The following ADAMTSL1 variants were observed in gnomAD, a reference collection of about 807,000 sequenced individuals.
ADAMTSL1 encodes ADAMTS-like protein 1.
A neutral mutation model predicts 201.8 loss-of-function variants in ADAMTSL1; 126 were observed. That is an observed-to-expected ratio of 0.62 (90% confidence interval 0.54 to 0.72). ADAMTSL1 has a LOEUF of 0.72. Among genes scored for constraint, ADAMTSL1 ranks in the 30% least tolerant of loss-of-function variants. The pLI is 0.00. For synonymous variants in ADAMTSL1, 1,121 were observed against 903.4 expected, an observed-to-expected ratio of 1.24 and a Z score of -4.32; for missense variants, 2,679 against 2,277.8, an observed-to-expected ratio of 1.18 and a Z score of -3.59.
At chr9:17,982,679 C>G (rs150270348) in intron 1 of ADAMTSL1, among the ~76,000 whole-genome samples, 1 of 151,962 alleles carries the variant, frequency 6.6e-6, no homozygotes, top group Admixed American at 6.6e-5. Flanking sequence ...AAACTGAGTG[C>G]GTGGAATCAC....
intron 21 of ADAMTSL1, among the ~76,000 whole-genome samples, chr9:18,825,904 CA>C (rs1332344310): frequency 6.6e-6 from 1 of 151,930 alleles, no homozygotes; most frequent in Non-Finnish European, 1.5e-5. Flanking sequence ...TCATGTTTTT[CA>C]AATACATTTT....
chr9:18,029,447 G>C (rs566723895), intron 1 of ADAMTSL1, among the ~76,000 whole-genome samples: 243 of 152,198 alleles, frequency 1.6e-3, no homozygotes, highest in Middle Eastern at 3.4e-3. Context: ...AAAAACCCTA[G>C]AAGAAAACCT....
chr9:18,000,796 T>C (rs1263161066), intron 1 of ADAMTSL1, among the ~76,000 whole-genome samples: 4 of 152,082 alleles, frequency 2.6e-5, no homozygotes, highest in East Asian at 3.9e-4. Context: ...GCAGATGTCA[T>C]AGGCCAGAGC....
intron 2 of ADAMTSL1, among the ~76,000 whole-genome samples, chr9:18,274,175 A>G (rs763086950): frequency 1.3e-5 from 2 of 152,230 alleles, no homozygotes; most frequent in African/African-American, 4.8e-5. Flanking sequence ...TGATTATTCC[A>G]GGTGTGTCAT....
intron 6 of ADAMTSL1, among the ~76,000 whole-genome samples, chr9:18,638,798 C>A (rs963982155): frequency 1.3e-5 from 2 of 152,040 alleles, no homozygotes; most frequent in Non-Finnish European, 2.9e-5. Flanking sequence ...TAAACACAGG[C>A]TAATGCACGA....
chr9:18,682,586 T>C (rs1830569280), intron 12 of ADAMTSL1, among the ~76,000 whole-genome samples: 1 of 152,232 alleles, frequency 6.6e-6, no homozygotes, highest in Non-Finnish European at 1.5e-5. Context: ...AGAATATGAA[T>C]TTGATTTCTG....
chr9:18,579,003 G>C (rs12342110), intron 4 of ADAMTSL1, among the ~76,000 whole-genome samples: 1,712 of 151,720 alleles, frequency 0.011, 13 homozygotes, highest in Non-Finnish European at 0.019. Flanking sequence ...TTTTTCATGT[G>C]TTTTTTGGCT....
At position 18,733,655 on chromosome 9, in the gene ADAMTSL1, A is replaced by G. The variant is rs62551759; in HGVS notation, c.2006+11990A>G. On this transcript the variant is annotated intron_variant, in intron 15 of 28. Coordinates refer to ENST00000380548, the MANE Select transcript of ADAMTSL1 (RefSeq NM_001040272.6). ...CCCCCACACACACACTCACTCGCTC[A>G]CTCTCTCTCTCTGCCCCCCACCCCA... is the stretch of plus-strand genomic sequence containing the variant. 7.3e-3 allele frequency among the ~76,000 whole-genome samples: 676 copies of G among 93,158 alleles called. 6 individuals are homozygous for G. The highest frequency in any genetic ancestry group is 0.014 in the Middle Eastern group (2 of 142). The allele number at this position is 93,158 out of a possible 152,430, so 61.1% of individuals were successfully genotyped here. A position where few individuals can be genotyped will look rare whatever the true frequency, so the allele number is the denominator to read the frequency against.
intron 23 of ADAMTSL1, among the ~76,000 whole-genome samples, chr9:18,864,751 A>C (rs1414137608): frequency 6.6e-6 from 1 of 152,240 alleles, no homozygotes; most frequent in African/African-American, 2.4e-5. Flanking sequence ...GCAGAAAGTC[A>C]GTGAAGTCAA....
At chr9:18,359,867 A>G (rs1047252915) in intron 2 of ADAMTSL1, among the ~76,000 whole-genome samples, 1 of 86,218 alleles carries the variant, frequency 1.2e-5, no homozygotes, top group African/African-American at 4.4e-5. Context: ...CTGCTTTGAC[A>G]TTTGATACCT....
intron 1 of ADAMTSL1, among the ~76,000 whole-genome samples, chr9:18,153,669 G>A (rs887864921): frequency 3.9e-5 from 6 of 151,982 alleles, no homozygotes; most frequent in African/African-American, 1.4e-4. Flanking sequence ...TGACTTTGAT[G>A]ACTTGTAAAA....
At chr9:18,722,462 A>T (rs1833451356) in intron 15 of ADAMTSL1, among the ~76,000 whole-genome samples, 1 of 152,222 alleles carries the variant, frequency 6.6e-6, no homozygotes, top group South Asian at 2.1e-4. Flanking sequence ...TTTGAATGAT[A>T]GTTTTTCTCT....
intron 2 of ADAMTSL1, among the ~76,000 whole-genome samples, chr9:18,415,762 C>G (rs1818647115): frequency 6.6e-6 from 1 of 151,962 alleles, no homozygotes; most frequent in African/African-American, 2.4e-5. Context: ...AATCAAATTA[C>G]TTAAAACTAG....
chr9:18,689,654 C>G (rs1831093802), intron 13 of ADAMTSL1, among the ~76,000 whole-genome samples: 1 of 152,190 alleles, frequency 6.6e-6, no homozygotes, highest in African/African-American at 2.4e-5. Flanking sequence ...CCAGGTTCTT[C>G]CAGATATATT....
At chr9:18,745,119 AC>A in intron 15 of ADAMTSL1, among the ~76,000 whole-genome samples, 6 of 152,256 alleles carry the variant, frequency 3.9e-5, no homozygotes, top group Admixed American at 3.9e-4. Context: ...TTTATGGGGG[AC>A]AATATGAGCT....
chr9:17,945,222 C>A (rs370486319), intron 1 of ADAMTSL1, among the ~76,000 whole-genome samples: 4 of 142,618 alleles, frequency 2.8e-5, no homozygotes, highest in African/African-American at 7.9e-5. Context: ...AAAATGCTCA[C>A]CATCACTGAC....
chr9:18,117,036 C>T lies in ADAMTSL1; in HGVS notation c.88-46826C>T, dbSNP rs561983121. Among the ~76,000 whole-genome samples the T allele has an allele frequency of 2.4e-4, 36 of 152,248 alleles. No individual in the cohort carries two copies. In the South Asian group the frequency reaches 7.3e-3, roughly 31 times the overall value. Reference sequence around the variant, plus strand: ...TTGACTTCTCTTTTTTTCTCATACACCTCATCCAGTTCAGCAAAGAATCTT... The same window carrying T: ...TTGACTTCTCTTTTTTTCTCATACATCTCATCCAGTTCAGCAAAGAATCTT... On this transcript the variant is annotated intron_variant, in intron 1 of 29. Coordinates refer to the ADAMTSL1 transcript ENST00000680146.
intron 2 of ADAMTSL1, among the ~76,000 whole-genome samples, chr9:18,521,331 G>A (rs1162740286): frequency 6.6e-6 from 1 of 151,864 alleles, no homozygotes; most frequent in Non-Finnish European, 1.5e-5. Context: ...GTAACACAAA[G>A]GATAAGTGCT....
Position 18,123,051 on chromosome 9 carries a change from A to G in ADAMTSL1, c.88-40811A>G, listed in dbSNP as rs191275481. Reference sequence around the variant, plus strand: ...ACTGTGCCCAGTCTCAAGTTTAAAGATATATTTTACCATCACTTTTCAAGC... The same window carrying G: ...ACTGTGCCCAGTCTCAAGTTTAAAGGTATATTTTACCATCACTTTTCAAGC... On this transcript the variant is annotated intron_variant, in intron 1 of 29. Coordinates refer to the ADAMTSL1 transcript ENST00000680146. Among the ~76,000 whole-genome samples the G allele has an allele frequency of 1.8e-4, 28 of 152,276 alleles. No homozygotes were observed. The East Asian group carries it at 2.3e-3, about 13-fold the overall frequency.
Sources: gnomAD v4.1 joint callset for allele counts (sites outside exome capture counted in the v4.1 genomes callset) on GRCh38, gnomAD v4.1.1 for gene constraint, MANE v1.5 for transcripts, NCBI Gene and HGNC (gene_info 2026-07-23, HGNC 2026-07-21) for gene names.